ATP5MK: variants seen among roughly 807,000 people sequenced by gnomAD.
The protein encoded by ATP5MK is ATP synthase F(0) complex subunit k, mitochondrial.
A neutral mutation model predicts 6.6 loss-of-function variants in ATP5MK; 5 were observed. The observed-to-expected ratio is 0.76, with a 90% CI of 0.40 to 1.60. ATP5MK has a LOEUF of 1.60. Ranked by LOEUF, ATP5MK falls within the 40% of genes most tolerant of loss-of-function variation. ATP5MK has a pLI of 0.02. For missense variants in ATP5MK, 57 were observed against 66.6 expected (o/e 0.86, Z 0.50); for synonymous variants, 30 against 24.5 (o/e 1.22, Z -0.66).
At chr10:103,390,080 T>G (rs184141701) in intron 4 of ATP5MK, among the ~76,000 whole-genome samples, 34 of 152,238 alleles carry the variant, frequency 2.2e-4, no homozygotes, top group African/African-American at 7.2e-4. Flanking sequence ...AGTTAGGAGG[T>G]AATTAATATA....
At chr10:103,393,942 A>C (rs1441789680) in intron 2 of ATP5MK, among the ~76,000 whole-genome samples, 1 of 152,232 alleles carries the variant, frequency 6.6e-6, no homozygotes, top group Non-Finnish European at 1.5e-5. Context: ...GATTTTATAA[A>C]GCACGTCAAT....
chr10:103,391,484 G>C (rs527584168), intron 4 of ATP5MK, among the ~76,000 whole-genome samples: 4 of 152,170 alleles, frequency 2.6e-5, no homozygotes, highest in African/African-American at 9.6e-5. Flanking sequence ...AAACTGTTAG[G>C]GTCTTGGGAC....
Position 103,395,456 on chromosome 10 carries a change from C to T in ATP5MK, c.-10+290G>A, listed in dbSNP as rs984446114. On this transcript the variant is annotated intron_variant, in intron 2 of 4. Transcript: ENST00000369815. ...GGAACTACAGGCGCGCGCCACCACG[C>T]CCGGCTAATTTTTGTATTGTTGGTA... Among the ~76,000 whole-genome samples, 4 of 152,176 alleles carry T rather than the reference C, an allele frequency of 2.6e-5. No homozygotes were observed. In the East Asian group the frequency reaches 5.8e-4, roughly 22 times the overall value.
intron 4 of ATP5MK, 47 bp downstream of exon 4, chr10:103,392,144 A>T (rs1327063272): frequency 6.6e-7 from 1 of 1,519,194 alleles, no homozygotes; most frequent in South Asian, 1.2e-5. Context: ...GAAAAATCCT[A>T]ACATCAAAAT....
In ATP5MK at chr10:103,395,908, T is replaced by C. The variant is rs2093432058; in HGVS notation, c.-172A>G. ...GTCTATAGACTGAAATCTAACCCTT[T>C]TACAGCGGGCCTGGCGAACTGTAGG... On this transcript the variant is annotated 5_prime_UTR_variant, in exon 2 of 5. It removes the in-frame stop codon of an upstream open reading frame in the 5' UTR. Coordinates refer to ENST00000369815, the MANE Select transcript of ATP5MK (RefSeq NM_001206427.2). 6.6e-6 allele frequency: 1 copy of C among 152,172 alleles called. No individual in the cohort carries two copies. The highest frequency in any genetic ancestry group is 6.5e-5 in the Admixed American group (1 of 15,278). 9.4% of individuals were successfully genotyped at this position (152,172 alleles called of 1,614,324 possible).
chr10:103,392,080 T>A, intron 4 of ATP5MK, 111 bp downstream of exon 4: 1 of 904,510 alleles, frequency 1.1e-6, no homozygotes, highest in Non-Finnish European at 1.7e-6. Flanking sequence ...TTTTTTCTTG[T>A]ATGCTATAAA....
chr10:103,392,127 T>C, intron 4 of ATP5MK, 64 bp downstream of exon 4: 1 of 1,449,210 alleles, frequency 6.9e-7, no homozygotes, highest in South Asian at 1.2e-5. Context: ...TTATACTAAA[T>C]GTTAGGGAAA....
chr10:103,393,311 G>GT (rs1180103800), intron 2 of ATP5MK, among the ~76,000 whole-genome samples: 2 of 152,264 alleles, frequency 1.3e-5, no homozygotes, highest in African/African-American at 4.8e-5. Context: ...GCCTGGCACG[G>GT]TGGCTCATGC....
chr10:103,394,185 T>A, intron 2 of ATP5MK: 1 of 432,288 alleles, frequency 2.3e-6, no homozygotes, highest in Non-Finnish European at 5.1e-6. Context: ...CAAAGGCAGC[T>A]TAATCTATAG....
rs1390293923 is a variant in ATP5MK at position 103,393,642 on chromosome 10, GT to G, written c.-9-1177del. On this transcript the variant is annotated intron_variant, in intron 2 of 4. Transcript: ENST00000369815. Reference sequence around the variant, plus strand: ...CTGGTACAACCTTCAGAAAGTGCAAGTTGGCAGTATCTTATCGAATTATAAA... The same window carrying G: ...CTGGTACAACCTTCAGAAAGTGCAAGTGGCAGTATCTTATCGAATTATAAA... Among the ~76,000 whole-genome samples the G allele has an allele frequency of 2.6e-5, 4 of 151,810 alleles. 1 individual carries two copies. Among genetic ancestry groups the G allele is most frequent in the Admixed American group, 1.3e-4 (2 of 15,250 alleles).
At chr10:103,393,465 A>G (rs2093420457) in intron 2 of ATP5MK, among the ~76,000 whole-genome samples, 1 of 151,982 alleles carries the variant, frequency 6.6e-6, no homozygotes, top group Non-Finnish European at 1.5e-5. Flanking sequence ...CTGTAGTCCC[A>G]GCTACTCGGG....
chr10:103,389,457 G>C (rs1377756956), intron 4 of ATP5MK, among the ~76,000 whole-genome samples: 1 of 152,004 alleles, frequency 6.6e-6, no homozygotes, highest in Non-Finnish European at 1.5e-5. Context: ...CAAGTAGCTG[G>C]GATTACAGGC....
intron 2 of ATP5MK, chr10:103,394,410 G>C (rs1301149559): frequency 2.0e-6 from 1 of 505,714 alleles, no homozygotes; most frequent in Non-Finnish European, 4.2e-6. Flanking sequence ...TGAAATGGAA[G>C]AGGGAGATAT....
intron 4 of ATP5MK, among the ~76,000 whole-genome samples, chr10:103,389,611 C>CTG (rs2093407844): frequency 6.6e-6 from 1 of 152,152 alleles, no homozygotes; most frequent in Non-Finnish European, 1.5e-5. Flanking sequence ...GTGTAAGCCA[C>CTG]TGTGCCTGGC....
chr10:103,394,984 T>G (rs915928618), intron 2 of ATP5MK, among the ~76,000 whole-genome samples: 1 of 152,090 alleles, frequency 6.6e-6, no homozygotes, highest in Non-Finnish European at 1.5e-5. Context: ...AAGGCTGATG[T>G]TTTGTGATAT....
rs2292807 is a variant in ATP5MK at position 103,395,888 on chromosome 10, T to A, written c.-152A>T. On this transcript the variant is annotated 5_prime_UTR_variant, in exon 2 of 5. Coordinates refer to ENST00000369815, the MANE Select transcript of ATP5MK (RefSeq NM_001206427.2). ...GAAAGGCCTTCCCACTGATCGTCTA[T>A]AGACTGAAATCTAACCCTTTTACAG... is the stretch of plus-strand genomic sequence containing the variant. 1 of 152,044 alleles carries A rather than the reference T, an allele frequency of 6.6e-6. No homozygotes were observed. The highest frequency in any genetic ancestry group is 2.4e-5 in the African/African-American group (1 of 41,424). The allele number at this position is 152,044 out of a possible 1,614,324, so 9.4% of individuals were successfully genotyped here.
intron 4 of ATP5MK, among the ~76,000 whole-genome samples, chr10:103,389,888 C>T (rs12770529): frequency 0.1 from 15,654 of 151,720 alleles, 1,055 homozygotes; most frequent in Non-Finnish European, 0.15. Flanking sequence ...CCTGCCACCA[C>T]GCCCGGCTAA....
intron 4 of ATP5MK, among the ~76,000 whole-genome samples, chr10:103,391,105 C>T (rs2093413284): frequency 6.6e-6 from 1 of 151,990 alleles, no homozygotes; most frequent in African/African-American, 2.4e-5. Context: ...AAAATGCAAA[C>T]AGTAAACACA....
chr10:103,389,795 A>C (rs2133643108), intron 4 of ATP5MK, among the ~76,000 whole-genome samples: 1 of 151,776 alleles, frequency 6.6e-6, no homozygotes, highest in African/African-American at 2.4e-5. Context: ...GTAGCAGCGC[A>C]ATCTCGGCTC....
Sources: gnomAD v4.1 joint callset for allele counts (sites outside exome capture counted in the v4.1 genomes callset) on GRCh38, gnomAD v4.1.1 for gene constraint, MANE v1.5 for transcripts, NCBI Gene and HGNC (gene_info 2026-07-23, HGNC 2026-07-21) for gene names.